NPAS3: variants seen among roughly 807,000 people sequenced by gnomAD.
NPAS3 encodes the protein neuronal PAS domain-containing protein 3.
A neutral mutation model predicts 73.1 loss-of-function variants in NPAS3; 14 were observed. The observed-to-expected ratio is 0.19, with a 90% CI of 0.13 to 0.30. NPAS3 has a LOEUF of 0.30. Ranked by LOEUF, NPAS3 falls within the 10% of genes least tolerant of loss-of-function variation. The probability of loss-of-function intolerance (pLI) is 1.00; values close to 1 mark genes in which losing one functional copy is unlikely to be tolerated. For synonymous variants in NPAS3, 620 were observed against 541.5 expected (o/e 1.14, Z -2.01); for missense variants, 1,096 against 1,250.0 (o/e 0.88, Z 1.86).
chr14:33,752,357 C>T (rs1779247214), intron 7 of NPAS3, among the ~76,000 whole-genome samples: 1 of 152,100 alleles, frequency 6.6e-6, no homozygotes, highest in Admixed American at 6.5e-5. Flanking sequence ...CCATGGAGTA[C>T]ACTCCCAAGC....
intron 4 of NPAS3, among the ~76,000 whole-genome samples, chr14:33,471,901 C>T (rs918484051): frequency 5.3e-5 from 8 of 152,188 alleles, no homozygotes; most frequent in African/African-American, 1.9e-4. Context: ...TGAGCTCCAG[C>T]TCCTGTCAGA....
chr14:33,801,119 C>A (rs765434385), downstream of NPAS3: 8 of 1,567,872 alleles, frequency 5.1e-6, no homozygotes, highest in East Asian at 1.7e-4. Context: ...AGGCGCCGCC[C>A]GTCCTGGGCC....
intron 4 of NPAS3, among the ~76,000 whole-genome samples, chr14:33,395,434 C>A (rs2047180828): frequency 6.6e-6 from 1 of 151,166 alleles, no homozygotes; most frequent in Non-Finnish European, 1.5e-5. Context: ...TAAATAAATT[C>A]TTTGTAAATA....
chr14:32,936,727 A>G (rs2035705585), upstream of NPAS3, among the ~76,000 whole-genome samples: 1 of 152,132 alleles, frequency 6.6e-6, no homozygotes, highest in African/African-American at 2.4e-5. Flanking sequence ...ATTTTCTGCC[A>G]TCAGGTTTGC....
At chr14:33,249,454 G>T (rs1255287207) in intron 3 of NPAS3, among the ~76,000 whole-genome samples, 1 of 151,146 alleles carries the variant, frequency 6.6e-6, no homozygotes, top group Non-Finnish European at 1.5e-5. Context: ...TTATTCATTA[G>T]AATTATGTGC....
chr14:33,235,739 C>T lies in NPAS3; in HGVS notation c.385+20313C>T, dbSNP rs542969044. On this transcript the variant is annotated intron_variant, in intron 3 of 11. Transcript: ENST00000356141. ...CTTATCACTCTCAGAGACACAGAAC[C>T]AAATGAATCTTTTGAGTGCAAGTAC... Among the ~76,000 whole-genome samples the T allele has an allele frequency of 2.3e-4, 34 of 149,178 alleles. 1 individual carries two copies. In the South Asian group the frequency reaches 7.3e-3, roughly 32 times the overall value.
intron 1 of NPAS3, among the ~76,000 whole-genome samples, chr14:33,039,864 A>G (rs1427820486): frequency 6.6e-6 from 1 of 152,180 alleles, no homozygotes; most frequent in African/African-American, 2.4e-5. Context: ...CTAACTTTAG[A>G]TTGATAGAGA....
At chr14:33,292,152 C>T (rs905605339) in intron 3 of NPAS3, among the ~76,000 whole-genome samples, 4 of 152,192 alleles carry the variant, frequency 2.6e-5, no homozygotes, top group African/African-American at 9.7e-5. Flanking sequence ...TATGAACTTA[C>T]ATTCCAGGGT....
chr14:33,260,850 A>G (rs534200444), intron 3 of NPAS3, among the ~76,000 whole-genome samples: 2 of 152,262 alleles, frequency 1.3e-5, no homozygotes, highest in African/African-American at 2.4e-5. Context: ...GAAACCTACA[A>G]TGACTATATT....
chr14:33,595,134 T>C (rs2057196961), intron 5 of NPAS3, among the ~76,000 whole-genome samples: 1 of 152,344 alleles, frequency 6.6e-6, no homozygotes, highest in African/African-American at 2.4e-5. Context: ...ACCTGATTAG[T>C]GACAGTGTCA....
At chr14:33,085,592 C>A (rs1170170116) in intron 2 of NPAS3, among the ~76,000 whole-genome samples, 1 of 152,120 alleles carries the variant, frequency 6.6e-6, no homozygotes, top group Admixed American at 6.5e-5. Context: ...GTTTCTGGAT[C>A]TTTAATGCAA....
exon 2 of NPAS3, chr14:33,055,957 A>G: frequency 1.2e-6 from 1 of 810,416 alleles, no homozygotes; most frequent in Non-Finnish European, 2.1e-6. Flanking sequence ...GAAAATCTAC[A>G]GATATGACGG....
chr14:33,544,825 A>ATATATATT, intron 4 of NPAS3, among the ~76,000 whole-genome samples: 1 of 112,188 alleles, frequency 8.9e-6, no homozygotes, highest in Non-Finnish European at 1.7e-5. Context: ...TATATAATAT[A>ATATATATT]TATGTGTATA....
intron 4 of NPAS3, among the ~76,000 whole-genome samples, chr14:33,376,818 A>G (rs1287649194): frequency 9.9e-5 from 15 of 152,210 alleles, no homozygotes; most frequent in Admixed American, 9.8e-4. Context: ...AATAGTAGTG[A>G]AAGTTTTCCT....
intron 2 of NPAS3, among the ~76,000 whole-genome samples, chr14:33,207,269 A>ACACACG (rs1555355865): frequency 1.8e-4 from 25 of 139,676 alleles, no homozygotes; most frequent in African/African-American, 7.0e-4. Flanking sequence ...ACACACACGC[A>ACACACG]CACACACACA....
intron 4 of NPAS3, among the ~76,000 whole-genome samples, chr14:33,436,043 G>A (rs951005643): frequency 2.0e-5 from 3 of 152,154 alleles, no homozygotes; most frequent in African/African-American, 7.2e-5. Flanking sequence ...AGAGGAGTCA[G>A]GCACATTTCT....
intron 5 of NPAS3, among the ~76,000 whole-genome samples, chr14:33,611,439 C>T (rs557624883): frequency 8.6e-5 from 13 of 151,974 alleles, no homozygotes; most frequent in East Asian, 3.9e-4. Context: ...GAAGAGAAAA[C>T]GTAGAGGAAG....
intron 6 of NPAS3, among the ~76,000 whole-genome samples, chr14:33,733,926 A>G (rs1016550938): frequency 6.6e-6 from 1 of 152,214 alleles, no homozygotes; most frequent in Non-Finnish European, 1.5e-5. Flanking sequence ...CACAGATAGC[A>G]AGGTTTCTGT....
At chr14:33,792,499 G>T (rs2063386948) in intron 9 of NPAS3, among the ~76,000 whole-genome samples, 1 of 151,044 alleles carries the variant, frequency 6.6e-6, no homozygotes, top group African/African-American at 2.4e-5. Context: ...GAGTGGCTCA[G>T]GACAAGATGA....
Sources: gnomAD v4.1 joint callset for allele counts (sites outside exome capture counted in the v4.1 genomes callset) on GRCh38, gnomAD v4.1.1 for gene constraint, MANE v1.5 for transcripts, NCBI Gene and HGNC (gene_info 2026-07-23, HGNC 2026-07-21) for gene names.